STARD13: variants seen among roughly 807,000 people sequenced by gnomAD.
STARD13 encodes the protein StAR related lipid transfer domain containing 13.
A neutral mutation model predicts 106.4 loss-of-function variants in STARD13; 62 were observed. The observed-to-expected ratio is 0.58, with a 90% CI of 0.48 to 0.72. STARD13 has a LOEUF of 0.72. Among genes scored for constraint, STARD13 ranks in the 30% least tolerant of loss-of-function variants. STARD13 has a pLI of 0.00. For missense variants in STARD13, 1,387 were observed against 1,424.0 expected, an observed-to-expected ratio of 0.97 and a Z score of 0.42; for synonymous variants, 565 against 553.0, an observed-to-expected ratio of 1.02 and a Z score of -0.31.
At chr13:33,266,335 G>A (rs899465941) in intron 1 of STARD13, among the ~76,000 whole-genome samples, 11 of 152,154 alleles carry the variant, frequency 7.2e-5, no homozygotes, top group Admixed American at 1.3e-4. Context: ...GCTCAACCAC[G>A]ATGACTATAT....
rs185452000 is a variant in STARD13 at position 33,218,271 on chromosome 13, G to A, written c.170-50649C>T. Among the ~76,000 whole-genome samples, 1,399 of 152,246 alleles carry A rather than the reference G, an allele frequency of 9.2e-3. 4 individuals are homozygous for A. The highest frequency in any genetic ancestry group is 0.02 in the Admixed American group (313 of 15,298). ...ATCTATGAGGAACATCTGAGCCCAC[G>A]GCCTGTCCCATGGAATGTGGGCTGT... On this transcript the variant is annotated intron_variant, in intron 1 of 13. Coordinates refer to ENST00000336934, the MANE Select transcript of STARD13 (RefSeq NM_178006.4).
At chr13:33,286,843 AGT>A (rs1416528870), upstream of STARD13, among the ~76,000 whole-genome samples, 1 of 151,644 alleles carries the variant, frequency 6.6e-6, no homozygotes, top group South Asian at 2.1e-4. Flanking sequence ...GCCATATCTG[AGT>A]GTGTGTGTAT....
intron 8 of STARD13, among the ~76,000 whole-genome samples, chr13:33,114,362 A>G (rs550943455): frequency 6.6e-6 from 1 of 152,248 alleles, no homozygotes; most frequent in Non-Finnish European, 1.5e-5. Context: ...GTCACATGCC[A>G]GGGCTGACCA....
chr13:33,285,822 G>A (rs183412108), upstream of STARD13: 3,444 of 1,357,248 alleles, frequency 2.5e-3, 8 homozygotes, highest in Non-Finnish European at 2.9e-3. Flanking sequence ...ACGTGACCTC[G>A]GGAACCAATG....
At chr13:33,674,675 C>T in the STARD13 span, among the ~76,000 whole-genome samples, 2 of 152,154 alleles carry the variant, frequency 1.3e-5, no homozygotes, top group Non-Finnish European at 2.9e-5. Context: ...ACCACCAGAA[C>T]CTGAGTGAAT....
At chr13:33,530,921 T>C in the STARD13 span, among the ~76,000 whole-genome samples, 1 of 152,196 alleles carries the variant, frequency 6.6e-6, no homozygotes, top group East Asian at 1.9e-4. Flanking sequence ...ACTTTATTTA[T>C]TAGTTTTCAA....
chr13:33,205,415 T>C (rs555761833), intron 1 of STARD13, among the ~76,000 whole-genome samples: 58 of 152,326 alleles, frequency 3.8e-4, no homozygotes, highest in Non-Finnish European at 5.7e-4. Flanking sequence ...ACAAAGCATT[T>C]ACTGCCAACC....
chr13:33,635,940 C>A, the STARD13 span, among the ~76,000 whole-genome samples: 2 of 151,682 alleles, frequency 1.3e-5, no homozygotes, highest in African/African-American at 4.8e-5. Context: ...GCTGAGATAA[C>A]GCCACTGCAC....
rs139395858 is a variant in STARD13, at chr13:33,111,793, G to C, written c.2592C>G (p.Cys864Trp). ...AQGLAHMIMECDRLFEVPHEL... is the reference protein window; with the variant it reads ...AQGLAHMIMEWDRLFEVPHEL... ...TTTTGCTCACCTCAAAAAGTCTGTC[G>C]CATTCCATGATCATGTGCGCTAGCC... Residue 864 changes from cysteine (C) to tryptophan (W), a missense_variant, in exon 10 of 14, where the codon TGC becomes TGG. Cys to Trp is a radical substitution (Grantham distance 215). Coordinates refer to ENST00000336934, the MANE Select transcript of STARD13 (RefSeq NM_178006.4). 4 of 1,613,290 alleles carry C rather than the reference G, an allele frequency of 2.5e-6. No homozygotes were observed. The highest frequency in any genetic ancestry group is 3.4e-6 in the Non-Finnish European group (4 of 1,179,400).
chr13:33,381,659 G>A, the STARD13 span, among the ~76,000 whole-genome samples: 2 of 152,126 alleles, frequency 1.3e-5, no homozygotes, highest in Admixed American at 6.5e-5. Flanking sequence ...AGAATCGCTT[G>A]AACCCAGGAG....
At chr13:33,322,624 C>T (rs1893602569) in intron 1 of STARD13, among the ~76,000 whole-genome samples, 1 of 152,132 alleles carries the variant, frequency 6.6e-6, no homozygotes, top group Non-Finnish European at 1.5e-5. Context: ...CGCGCAGTGA[C>T]GTAAAAAGCT....
intron 1 of STARD13, among the ~76,000 whole-genome samples, chr13:33,305,425 C>T (rs1477185397): frequency 1.3e-5 from 2 of 152,192 alleles, no homozygotes; most frequent in African/African-American, 4.8e-5. Flanking sequence ...ACTAGCAGGA[C>T]ACTTTATACA....
At chr13:33,393,123 G>C in the STARD13 span, among the ~76,000 whole-genome samples, 2 of 152,176 alleles carry the variant, frequency 1.3e-5, no homozygotes, top group African/African-American at 4.8e-5. Flanking sequence ...TTTGCTCTTG[G>C]CTATGGATAA....
the STARD13 span, among the ~76,000 whole-genome samples, chr13:33,636,317 C>T: frequency 6.6e-6 from 1 of 152,060 alleles, no homozygotes; most frequent in African/African-American, 2.4e-5. Context: ...CATGATTTGT[C>T]CCTGCTCTCC....
upstream of STARD13, among the ~76,000 whole-genome samples, chr13:33,286,567 G>A (rs1041789154): frequency 6.6e-6 from 1 of 152,212 alleles, no homozygotes; most frequent in Admixed American, 6.5e-5. Context: ...GACCCATTGA[G>A]AAGTTATACA....
chr13:33,661,114 T>C, the STARD13 span, among the ~76,000 whole-genome samples: 1 of 152,232 alleles, frequency 6.6e-6, no homozygotes, highest in South Asian at 2.1e-4. Flanking sequence ...ACACTATTCC[T>C]TAGATTTCTT....
intron 3 of STARD13, among the ~76,000 whole-genome samples, chr13:33,146,354 C>T (rs543572591): frequency 5.9e-5 from 9 of 151,822 alleles, no homozygotes; most frequent in African/African-American, 1.2e-4. Flanking sequence ...CATGGTGGCA[C>T]GTGCCTGTAG....
At chr13:33,648,646 T>A in the STARD13 span, among the ~76,000 whole-genome samples, 1 of 152,078 alleles carries the variant, frequency 6.6e-6, no homozygotes, top group Admixed American at 6.6e-5. Flanking sequence ...TTTCAAAACA[T>A]CAAAGAACAG....
intron 1 of STARD13, among the ~76,000 whole-genome samples, chr13:33,170,649 T>C (rs748825241): frequency 1.3e-5 from 2 of 152,192 alleles, no homozygotes; most frequent in Non-Finnish European, 2.9e-5. Flanking sequence ...GAAGCAGCCC[T>C]GTCCTAGCCA....
Sources: gnomAD v4.1 joint callset for allele counts (sites outside exome capture counted in the v4.1 genomes callset) on GRCh38, gnomAD v4.1.1 for gene constraint, MANE v1.5 for transcripts, NCBI Gene and HGNC (gene_info 2026-07-23, HGNC 2026-07-21) for gene names.